The following GRIK3 variants were observed in gnomAD, a reference collection of about 807,000 sequenced individuals.
The protein encoded by GRIK3 is glutamate receptor ionotropic, kainate 3.
Under a neutral mutation model 102.5 loss-of-function variants are expected in GRIK3, and 29 were observed. The observed-to-expected ratio is 0.28, with a 90% CI of 0.21 to 0.39. The LOEUF (loss-of-function observed/expected upper bound fraction) is 0.39. GRIK3 is among the 10% of genes least tolerant of loss of function. GRIK3 has a pLI of 1.00. For synonymous variants in GRIK3, 511 were observed against 504.9 expected, an observed-to-expected ratio of 1.01 and a Z score of -0.16; for missense variants, 908 against 1,252.4, an observed-to-expected ratio of 0.73 and a Z score of 4.15.
chr1:36,859,540 C>T (rs1640696708), intron 6 of GRIK3, among the ~76,000 whole-genome samples: 1 of 133,036 alleles, frequency 7.5e-6, no homozygotes, highest in Admixed American at 8.7e-5. Context: ...CTTCTTTCTG[C>T]CTTCTCGGCC....
intron 12 of GRIK3, among the ~76,000 whole-genome samples, chr1:36,818,118 A>G (rs149573488): frequency 1.3e-5 from 2 of 152,218 alleles, no homozygotes; most frequent in East Asian, 3.9e-4. Flanking sequence ...CTTTGATATG[A>G]TGTTTTTTTT....
chr1:36,825,607 C>A lies in GRIK3; in HGVS notation c.1750G>T (p.Ala584Ser). The A allele has an allele frequency of 6.4e-7, 1 of 1,566,906 alleles. No homozygotes were observed. The highest frequency in any genetic ancestry group is 1.2e-5 in the South Asian group (1 of 82,954). The change falls in exon 11 of 16, where the codon GCC (alanine) becomes TCC (serine). Residue 584 changes from alanine to serine, a missense_variant. Coordinates refer to ENST00000373091, the MANE Select transcript of GRIK3 (RefSeq NM_000831.4). ...LGVSCVLFVI[A>S]RFSPYEWYDA... ...CTGGCCAAGGAATTGCCTTACCTGG[C>A]GATGACGAAGAGGACACAGCTGACC...
At chr1:36,945,889 C>T (rs1195436815) in intron 1 of GRIK3, among the ~76,000 whole-genome samples, 2 of 152,290 alleles carry the variant, frequency 1.3e-5, no homozygotes, top group African/African-American at 4.8e-5. Context: ...CCCATGGATC[C>T]CTGCAGATGA....
chr1:36,815,327 G>T (rs1384262068), intron 13 of GRIK3, among the ~76,000 whole-genome samples: 1 of 152,182 alleles, frequency 6.6e-6, no homozygotes, highest in African/African-American at 2.4e-5. Flanking sequence ...GCGGGGAGGG[G>T]AGAAAGTGCC....
chr1:36,818,884 A>T (rs1305219109), intron 12 of GRIK3, among the ~76,000 whole-genome samples: 1 of 152,028 alleles, frequency 6.6e-6, no homozygotes, highest in Non-Finnish European at 1.5e-5. Flanking sequence ...ACTTGTCTGC[A>T]CTCCCTAAGA....
intron 1 of GRIK3, among the ~76,000 whole-genome samples, chr1:36,933,094 T>A (rs1162241534): frequency 6.6e-6 from 1 of 152,190 alleles, no homozygotes; most frequent in Non-Finnish European, 1.5e-5. Flanking sequence ...CTTTTTTTTG[T>A]GAATAGAGAA....
chr1:37,022,346 C>T (rs924226520), intron 1 of GRIK3, among the ~76,000 whole-genome samples: 11 of 152,128 alleles, frequency 7.2e-5, no homozygotes, highest in African/African-American at 1.7e-4. Flanking sequence ...AAAGAGCAGC[C>T]GAGATGCTGA....
chr1:36,815,071 T>G (rs1327973489), intron 13 of GRIK3, among the ~76,000 whole-genome samples: 1 of 152,238 alleles, frequency 6.6e-6, no homozygotes, highest in Non-Finnish European at 1.5e-5. Context: ...AAGCCATGCA[T>G]GTATACACAT....
chr1:36,844,799 G>A (rs1338071265), intron 9 of GRIK3, among the ~76,000 whole-genome samples: 2 of 151,952 alleles, frequency 1.3e-5, no homozygotes, highest in African/African-American at 2.4e-5. Context: ...GCTATTTGGC[G>A]GGTTACTGCA....
At chr1:37,010,454 A>G (rs1642582023) in intron 1 of GRIK3, among the ~76,000 whole-genome samples, 1 of 152,208 alleles carries the variant, frequency 6.6e-6, no homozygotes, top group Non-Finnish European at 1.5e-5. Flanking sequence ...ACAGTCAGGA[A>G]GTGGTGGAGC....
intron 10 of GRIK3, among the ~76,000 whole-genome samples, chr1:36,833,630 C>T (rs1004603011): frequency 2.0e-5 from 3 of 152,266 alleles, no homozygotes; most frequent in African/African-American, 7.2e-5. Flanking sequence ...CCAACACATG[C>T]AGGCCAGAAC....
intron 5 of GRIK3, among the ~76,000 whole-genome samples, chr1:36,867,110 T>G (rs1243913353): frequency 2.0e-5 from 3 of 152,294 alleles, no homozygotes; most frequent in African/African-American, 7.2e-5. Flanking sequence ...AATGAATCAA[T>G]GGATGATTAA....
chr1:37,004,850 T>G (rs570914336), intron 1 of GRIK3, among the ~76,000 whole-genome samples: 1 of 152,314 alleles, frequency 6.6e-6, no homozygotes, highest in South Asian at 2.1e-4. Context: ...TTGAGACCGC[T>G]GTGTTCCCAC....
chr1:36,869,842 T>A, intron 4 of GRIK3, 41 bp from the exon 5 acceptor site: 1 of 1,517,832 alleles, frequency 6.6e-7, no homozygotes, highest in Non-Finnish European at 9.2e-7. Flanking sequence ...AGGGAACCCC[T>A]GGGCAGCCCT....
At chr1:36,869,722 C>T (rs762723612) in intron 5 of GRIK3, 26 bp downstream of exon 5, 16 of 1,562,168 alleles carry the variant, frequency 1.0e-5, no homozygotes, top group South Asian at 4.4e-5. Flanking sequence ...ACCCCTTTCC[C>T]GTGCCAGGAC....
chr1:36,929,259 C>G (rs1641562596), intron 1 of GRIK3, among the ~76,000 whole-genome samples: 1 of 152,066 alleles, frequency 6.6e-6, no homozygotes, highest in African/African-American at 2.4e-5. Context: ...CGAAGGTGCT[C>G]ATTGTGAGCA....
intron 1 of GRIK3, among the ~76,000 whole-genome samples, chr1:36,903,440 TA>T (rs1413342162): frequency 1.3e-5 from 2 of 152,248 alleles, no homozygotes; most frequent in Non-Finnish European, 1.5e-5. Context: ...AACATACTCT[TA>T]CACGCAAGTG....
chr1:36,925,448 G>A (rs1393916073), intron 1 of GRIK3, among the ~76,000 whole-genome samples: 2 of 152,254 alleles, frequency 1.3e-5, no homozygotes, highest in South Asian at 2.1e-4. Context: ...TGGTCAGGCC[G>A]CCTGGTTGAT....
chr1:36,821,394 C>T (rs771846621), intron 11 of GRIK3, among the ~76,000 whole-genome samples: 3 of 152,190 alleles, frequency 2.0e-5, no homozygotes, highest in Non-Finnish European at 2.9e-5. Context: ...GTGTCCAGAG[C>T]CCCCGCTTCC....
Sources: gnomAD v4.1 joint callset for allele counts (sites outside exome capture counted in the v4.1 genomes callset) on GRCh38, gnomAD v4.1.1 for gene constraint, MANE v1.5 for transcripts, NCBI Gene and HGNC (gene_info 2026-07-23, HGNC 2026-07-21) for gene names.